Variants in ABCG5 observed in about 807,000 individuals in gnomAD.
The protein encoded by ABCG5 is ATP-binding cassette sub-family G member 5.
Under a neutral mutation model 64.5 loss-of-function variants are expected in ABCG5, and 64 were observed. The ratio of observed to expected loss-of-function variants is 0.99; its 90% confidence interval spans 0.81 to 1.22. The LOEUF is 1.22. Among genes scored for constraint, ABCG5 ranks in the 50% most tolerant of loss-of-function variants. The pLI, the probability that ABCG5 is intolerant of heterozygous loss-of-function variation, is 0.00. For missense variants in ABCG5, 908 were observed against 829.5 expected, an observed-to-expected ratio of 1.09 and a Z score of -1.16; for synonymous variants, 385 against 326.3, an observed-to-expected ratio of 1.18 and a Z score of -1.94.
downstream of ABCG5, among the ~76,000 whole-genome samples, chr2:43,811,224 A>G (rs1329581186): frequency 1.3e-5 from 2 of 152,210 alleles, no homozygotes; most frequent in Non-Finnish European, 2.9e-5. Context: ...AACTGATGTG[A>G]CATATATAAT....
chr2:43,811,283 C>G (rs753589528), downstream of ABCG5, among the ~76,000 whole-genome samples: 4 of 152,162 alleles, frequency 2.6e-5, no homozygotes, highest in African/African-American at 4.8e-5. Flanking sequence ...ATGTCAAAGA[C>G]CTTTTATAAA....
Position 43,837,816 on chromosome 2 carries a change from C to A in ABCG5, c.265+18G>T. ...ACTCAAGCCAAATCCTTTTTAGAAT[C>A]CTCCTTCCCAAGCTTACCTGAGCTT... On this transcript the variant is annotated intron_variant, in intron 2 of 12. Coordinates refer to ENST00000405322, the MANE Select transcript of ABCG5 (RefSeq NM_022436.3). 6.2e-7 allele frequency: 1 copy of A among 1,613,572 alleles called. No individual in the cohort carries two copies. The highest frequency in any genetic ancestry group is 8.5e-7 in the Non-Finnish European group (1 of 1,179,782).
rs377520529 is a variant in ABCG5 at position 43,824,900 on chromosome 2, A to G, written c.893T>C (p.Phe298Ser). 19 of 1,614,066 alleles carry G rather than the reference A, an allele frequency of 1.2e-5. No homozygotes were observed. The highest frequency in any genetic ancestry group is 4.5e-5 in the East Asian group (2 of 44,856). ...AAAGAAAAACTTACTATAGAAGTCAAAAGGGTTTGAATGTTCAGGACAAGG... is the reference window on the plus strand; with the variant it reads ...AAAGAAAAACTTACTATAGAAGTCAGAAGGGTTTGAATGTTCAGGACAAGG... ...GYPCPEHSNP[F>S]DFYMDLTSVD... is the part of the protein sequence containing the mutation. The change falls in exon 7 of 13, where the codon TTT becomes TCT. Residue 298 changes from phenylalanine (F) to serine (S), a missense_variant. Coordinates refer to ENST00000405322, the MANE Select transcript of ABCG5 (RefSeq NM_022436.3).
downstream of ABCG5, among the ~76,000 whole-genome samples, chr2:43,811,855 A>G (rs931808378): frequency 1.3e-5 from 2 of 152,080 alleles, no homozygotes; most frequent in Non-Finnish European, 2.9e-5. Context: ...CGGCCTCCCA[A>G]AGTGCTGGGA....
At chr2:43,839,164 G>T (rs758562424), upstream of ABCG5, 1 of 1,541,546 alleles carries the variant, frequency 6.5e-7, no homozygotes, top group Non-Finnish European at 8.8e-7. Context: ...GCGGGTAGGA[G>T]AAATCAAACC....
chr2:43,826,977 G>A (rs1398084074), intron 5 of ABCG5, among the ~76,000 whole-genome samples: 1 of 152,226 alleles, frequency 6.6e-6, no homozygotes, highest in African/African-American at 2.4e-5. Context: ...GGCCTGAAGT[G>A]TGGCAGGCAT....
At position 43,838,043 on chromosome 2, in the gene ABCG5, C is replaced by A; in HGVS notation, c.144-88G>T. On this transcript the variant is annotated intron_variant, in intron 1 of 12. Transcript: ENST00000405322. The surrounding 1 kb of genome is among the most constrained non-coding windows in gnomAD (Gnocchi z 4.2). ...TCCCCAGCATTGATCCTACCTGTGC[C>A]CCACCCCAGTAGTCTCCGGACAGGC... 3.8e-6 allele frequency: 6 copies of A among 1,574,784 alleles called. No homozygotes were observed. The highest frequency in any genetic ancestry group is 5.2e-6 in the Non-Finnish European group (6 of 1,149,558).
chr2:43,828,252 G>A, intron 4 of ABCG5, 137 bp from the exon 5 acceptor site: 2 of 1,120,730 alleles, frequency 1.8e-6, no homozygotes, highest in Non-Finnish European at 2.6e-6. Flanking sequence ...CACACCCTGG[G>A]GAAAGCATGT....
At position 43,823,782 on chromosome 2, in the gene ABCG5, G is replaced by A. The variant is rs1037258113; in HGVS notation, c.1324+131C>T. 5 of 1,051,296 alleles carry A rather than the reference G, an allele frequency of 4.8e-6. No homozygotes were observed. The African/African-American group carries it at 6.4e-5, about 14-fold the overall frequency. The allele number at this position is 1,051,296 out of a possible 1,614,324, so 65.1% of individuals were successfully genotyped here. A position where few individuals can be genotyped will look rare whatever the true frequency, so the allele number is the denominator to read the frequency against. On this transcript the variant is annotated intron_variant, in intron 9 of 12. Coordinates refer to ENST00000405322, the MANE Select transcript of ABCG5 (RefSeq NM_022436.3). ...AACTCAATAGTTGCCTTTCCCCAGA[G>A]AGGGAACCTGGAGAGGGCTGGGTTT...
At chr2:43,821,306 T>C (rs1429878420) in intron 10 of ABCG5, among the ~76,000 whole-genome samples, 1 of 152,228 alleles carries the variant, frequency 6.6e-6, no homozygotes, top group Non-Finnish European at 1.5e-5. Context: ...TCCTCTCCCC[T>C]ATCATTTTCC....
chr2:43,838,894 T>G, upstream of ABCG5: 2 of 1,163,084 alleles, frequency 1.7e-6, no homozygotes, highest in Non-Finnish European at 2.5e-6. The surrounding 1 kb of genome is among the most constrained non-coding windows in gnomAD (Gnocchi z 4.2). Context: ...ACACACACGT[T>G]TGTAGGTGGG....
Position 43,828,057 on chromosome 2 carries a change from T to C in ABCG5, c.560A>G (p.Asn187Ser). The change falls in exon 5 of 13, where the codon AAC becomes AGC. Residue 187 changes from asparagine (N) to serine (S), a missense_variant. Physicochemically the swap from Asn to Ser is conservative, Grantham distance 46. Coordinates refer to ENST00000405322, the MANE Select transcript of ABCG5 (RefSeq NM_022436.3). ...LSHVADRLIG[N>S]YSLGGISTGE... is the part of the protein sequence containing the mutation. ...CGTGGAAATGCCCCCCAAGCTGTAG[T>C]TGCCAATCAGTCGGTCTGCCACATG... 1 of 1,614,072 alleles carries C rather than the reference T, an allele frequency of 6.2e-7. No homozygotes were observed. Among genetic ancestry groups the C allele is most frequent in the Non-Finnish European group, 8.5e-7 (1 of 1,180,012 alleles).
At position 43,831,643 on chromosome 2, in the gene ABCG5, G is replaced by A. The variant is rs1371744828; in HGVS notation, c.501+126C>T. 6.2e-6 allele frequency: 6 copies of A among 970,324 alleles called. No individual in the cohort carries two copies. The African/African-American group carries it at 8.0e-5, about 13-fold the overall frequency. 60.1% of individuals were successfully genotyped at this position (970,324 alleles called of 1,614,324 possible). A position where few individuals can be genotyped will look rare whatever the true frequency, so the allele number is the denominator to read the frequency against. On this transcript the variant is annotated intron_variant, in intron 4 of 12. Coordinates refer to ENST00000405322, the MANE Select transcript of ABCG5 (RefSeq NM_022436.3). ...CAGGGTGCACGGTGCAGGACGCAGG[G>A]CGCGCTCTAGAGTGAAGGAGTGACG...
chr2:43,824,074 G>A lies in ABCG5; in HGVS notation c.1163C>T (p.Thr388Met), dbSNP rs149418765. 261 of 1,614,064 alleles carry A rather than the reference G, an allele frequency of 1.6e-4. No individual in the cohort carries two copies. Among genetic ancestry groups the A allele is most frequent in the Admixed American group, 2.8e-4 (17 of 60,006 alleles). Residue 388 changes from threonine to methionine, a missense_variant, in exon 9 of 13, where the codon ACG (threonine) becomes ATG (methionine). By Grantham distance (81) the Thr-to-Met change is moderately conservative. Transcript: ENST00000405322. ...CATGATCAGATTCTGAAGGAGACGC[G>A]TAATCACTGCCAGCTTATTTCTCAC... Reference protein sequence around the residue: ...NLVRNKLAVITRLLQNLIMGL... With the variant: ...NLVRNKLAVIMRLLQNLIMGL...
chr2:43,830,018 T>G (rs1262554375), intron 4 of ABCG5, among the ~76,000 whole-genome samples: 1 of 152,220 alleles, frequency 6.6e-6, no homozygotes, highest in African/African-American at 2.4e-5. Context: ...AGAAGGATCC[T>G]AGAATTAAGC....
Position 43,831,786 on chromosome 2 carries a change from C to A in ABCG5, c.484G>T (p.Gly162Cys), listed in dbSNP as rs1337167576. ...ALLAIRRGNP[G>C]SFQKKVEAVM... The stretch of plus-strand genomic sequence containing the variant: ...GCACCCACCTTCTTCTGGAAGGAGC[C>A]GGGATTGCCGCGGCGGATGGCCAGC... The change falls in exon 4 of 13, where the codon GGC (glycine) becomes TGC (cysteine). Residue 162 changes from glycine to cysteine, a missense_variant. Gly to Cys is a radical substitution (Grantham distance 159). Coordinates refer to ENST00000405322, the MANE Select transcript of ABCG5 (RefSeq NM_022436.3). The A allele has an allele frequency of 6.3e-7, 1 of 1,585,180 alleles. No individual in the cohort carries two copies.
chr2:43,831,678 A>T lies in ABCG5; in HGVS notation c.501+91T>A, dbSNP rs564627368. 5.4e-6 allele frequency: 7 copies of T among 1,285,212 alleles called. No homozygotes were observed. The African/African-American group carries it at 8.8e-5, about 16-fold the overall frequency. 79.6% of individuals were successfully genotyped at this position (1,285,212 alleles called of 1,614,324 possible). On this transcript the variant is annotated intron_variant, in intron 4 of 12. Transcript: ENST00000405322. The stretch of plus-strand genomic sequence containing the variant: ...GAGTGAAGGAGTGACGAGCAAAGGG[A>T]AGGAATGGGCAAGCGTAGGCGAAGA...
intron 2 of ABCG5, among the ~76,000 whole-genome samples, chr2:43,837,492 G>C (rs911008349): frequency 6.6e-6 from 1 of 152,096 alleles, no homozygotes; most frequent in Non-Finnish European, 1.5e-5. Flanking sequence ...AAAGATAGGG[G>C]CTTAATGGGC....
chr2:43,821,214 CATT>C (rs922497683), intron 10 of ABCG5, among the ~76,000 whole-genome samples: 13 of 152,188 alleles, frequency 8.5e-5, no homozygotes, highest in Non-Finnish European at 1.8e-4. Flanking sequence ...TGCCGTTCCT[CATT>C]GTTGTCTTCT....
Sources: gnomAD v4.1 joint callset for allele counts (sites outside exome capture counted in the v4.1 genomes callset) on GRCh38, gnomAD v4.1.1 for gene constraint, Gnocchi (gnomAD v3.1) non-coding constraint, MANE v1.5 for transcripts, NCBI Gene and HGNC (gene_info 2026-07-23, HGNC 2026-07-21) for gene names.